The following SLK variants were observed in gnomAD, a reference collection of about 807,000 sequenced individuals.
SLK encodes STE20 like kinase, also known as STE20-like serine/threonine-protein kinase.
Under a neutral mutation model 147.7 loss-of-function variants are expected in SLK, and 67 were observed. The ratio of observed to expected loss-of-function variants is 0.45; its 90% CI spans 0.37 to 0.56. SLK has a LOEUF of 0.56. Among genes scored for constraint, SLK ranks in the 20% least tolerant of loss-of-function variants. The pLI, the probability that SLK is intolerant of heterozygous loss-of-function variation, is 0.00. For synonymous variants in SLK, 441 were observed against 475.0 expected, an observed-to-expected ratio of 0.93 and a Z score of 0.93; for missense variants, 1,136 against 1,438.8, an observed-to-expected ratio of 0.79 and a Z score of 3.41.
chr10:104,002,029 T>C, intron 8 of SLK, 143 bp from the exon 9 acceptor site: 1 of 703,262 alleles, frequency 1.4e-6, no homozygotes. Context: ...TTTTGTTATA[T>C]TTCTTGTGAG....
chr10:103,979,054 C>T (rs941111363), intron 1 of SLK, among the ~76,000 whole-genome samples: 2 of 152,134 alleles, frequency 1.3e-5, no homozygotes, highest in Admixed American at 6.5e-5. Context: ...CTCACTCTGT[C>T]GCCCAGGCAG....
chr10:103,968,640 G>A (rs1307842351), intron 1 of SLK, among the ~76,000 whole-genome samples: 2 of 152,210 alleles, frequency 1.3e-5, no homozygotes, highest in East Asian at 3.9e-4. Flanking sequence ...TGTCATTGGA[G>A]TATTTTCATC....
rs906011985 is a variant in SLK, at chr10:104,026,018, T to C, written c.*298T>C. 1 of 242,446 alleles carries C rather than the reference T, an allele frequency of 4.1e-6. No homozygotes were observed. Among genetic ancestry groups the C allele is most frequent in the African/African-American group, 2.2e-5 (1 of 44,756 alleles). 15.0% of individuals were successfully genotyped at this position (242,446 alleles called of 1,614,324 possible). On this transcript the variant is annotated 3_prime_UTR_variant, in exon 19 of 19. Transcript: ENST00000369755. ...TGCTACCTGAAAACTGTTGGAGAAA[T>C]AATGTTTAAAGTTATTTAAGAAAAA...
intron 13 of SLK, among the ~76,000 whole-genome samples, chr10:104,013,918 G>C (rs1417903191): frequency 6.6e-6 from 1 of 152,168 alleles, no homozygotes; most frequent in East Asian, 1.9e-4. Context: ...ATATAGGGAT[G>C]GAGTCATATA....
rs1273932648 is a variant in SLK at position 104,025,819 on chromosome 10, C to T, written c.*99C>T. On this transcript the variant is annotated 3_prime_UTR_variant, in exon 19 of 19. Transcript: ENST00000369755. ...CTCAGATAGCTCATGAAGACAATCA[C>T]CTGCCTCACCTTCTAGGTGTTTTCC... The T allele has an allele frequency of 5.1e-6, 5 of 985,924 alleles. No individual in the cohort carries two copies. Among genetic ancestry groups the T allele is most frequent in the African/African-American group, 3.3e-5 (2 of 60,822 alleles). 61.1% of individuals were successfully genotyped at this position (985,924 alleles called of 1,614,324 possible).
In SLK at chr10:103,999,900, C is replaced by T; in HGVS notation, c.816C>T (p.Cys272=). The T allele has an allele frequency of 6.4e-7, 1 of 1,559,160 alleles. No individual in the cohort carries two copies. Among genetic ancestry groups the T allele is most frequent in the Non-Finnish European group, 8.8e-7 (1 of 1,137,202 alleles). Residue 272 remains cysteine (C), a synonymous_variant, in exon 7 of 19, where the codon TGC becomes TGT. Coordinates refer to ENST00000369755, the MANE Select transcript of SLK (RefSeq NM_014720.4). Reference sequence around the variant, plus strand: ...ATTTTAAGGACTTTCTAAAGAAATGCTTAGAAAAGAATGTGGATGCCAGGT... The same window carrying T: ...ATTTTAAGGACTTTCTAAAGAAATGTTTAGAAAAGAATGTGGATGCCAGGT... The part of the protein sequence containing the change: ...SSNFKDFLKK[C]LEKNVDARWT...
intron 17 of SLK, among the ~76,000 whole-genome samples, chr10:104,021,250 A>T (rs1054723701): frequency 6.6e-6 from 1 of 152,216 alleles, no homozygotes; most frequent in Non-Finnish European, 1.5e-5. Context: ...CTTTTACAGG[A>T]ATAGATCTAT....
In SLK at chr10:104,002,205, C is replaced by T. The variant is rs766599427; in HGVS notation, c.1027C>T (p.Leu343Phe). The T allele has an allele frequency of 3.1e-6, 5 of 1,598,712 alleles. No individual in the cohort carries two copies. The highest frequency in any genetic ancestry group is 1.4e-5 in the African/African-American group (1 of 74,064). Reference protein sequence around the residue: ...IPASKRASSDLSIASSEEDKL... With the variant: ...IPASKRASSDFSIASSEEDKL... ...TGCAAGTAAGCGTGCATCTTCTGAC[C>T]TTAGTATCGCCAGCTCTGAAGAAGA... Residue 343 changes from leucine to phenylalanine, a missense_variant, in exon 9 of 19, where the codon CTT (leucine) becomes TTT (phenylalanine). By Grantham distance (22) the Leu-to-Phe change is conservative. This residue lies in a region of SLK where 516 missense variants were observed against 531.3 expected (regional missense o/e 0.97). Coordinates refer to ENST00000369755, the MANE Select transcript of SLK (RefSeq NM_014720.4).
chr10:103,992,141 G>GTTTTTTTTTTTTTTTTT lies in SLK; in HGVS notation c.316-455_316-439dup, dbSNP rs56381345. On this transcript the variant is annotated intron_variant, in intron 2 of 18. Coordinates refer to ENST00000369755, the MANE Select transcript of SLK (RefSeq NM_014720.4). ...TGAAGCTTTTGTGGGTATTTCTTCT[G>GTTTTTTTTTTTTTTTTT]TTTTTTTTTTTTTTTTTTCTAAAAG... 6.9e-4 allele frequency among the ~76,000 whole-genome samples: 63 copies of GTTTTTTTTTTTTTTTTT among 91,782 alleles called. 5 individuals carry two copies. The highest frequency in any genetic ancestry group is 1.2e-3 in the South Asian group (3 of 2,542). The allele number at this position is 91,782 out of a possible 152,430, so 60.2% of individuals were successfully genotyped here.
At position 104,002,929 on chromosome 10, in the gene SLK, T is replaced by TAAA; in HGVS notation, c.1753_1754insAAA (p.Leu584_Ile585insLys). The TAAA allele has an allele frequency of 1.9e-6, 3 of 1,614,082 alleles. No homozygotes were observed. Among genetic ancestry groups the TAAA allele is most frequent in the Non-Finnish European group, 2.5e-6 (3 of 1,179,998 alleles). Reference sequence around the variant, plus strand: ...GAAGTGGTCGAAGTAGGCCAGAAATTAATTAATAAGCCCATGGTGGGTCCT... The same window carrying TAAA: ...GAAGTGGTCGAAGTAGGCCAGAAATTAAAAATTAATAAGCCCATGGTGGGTCCT... On this transcript the variant is annotated inframe_insertion, in exon 9 of 19. Coordinates refer to ENST00000369755, the MANE Select transcript of SLK (RefSeq NM_014720.4).
intron 13 of SLK, among the ~76,000 whole-genome samples, chr10:104,017,235 T>C (rs903297346): frequency 6.6e-6 from 1 of 152,230 alleles, no homozygotes; most frequent in Non-Finnish European, 1.5e-5. Flanking sequence ...ATTATACAAA[T>C]TTTCTTGATA....
At chr10:104,021,503 G>C in intron 17 of SLK, 117 bp from the exon 18 acceptor site, 1 of 590,758 alleles carries the variant, frequency 1.7e-6, no homozygotes, top group Non-Finnish European at 3.0e-6. Context: ...AGGAAAACTT[G>C]AATCTCAGTA....
intron 1 of SLK, among the ~76,000 whole-genome samples, chr10:103,968,921 G>C (rs73328227): frequency 0.029 from 4,443 of 151,990 alleles, 154 homozygotes; most frequent in African/African-American, 0.087. Context: ...ATTTAGTATT[G>C]TTTTTTATTT....
At position 104,002,509 on chromosome 10, in the gene SLK, T is replaced by C; in HGVS notation, c.1331T>C (p.Ile444Thr). 6.2e-7 allele frequency: 1 copy of C among 1,612,616 alleles called. No homozygotes were observed. The highest frequency in any genetic ancestry group is 1.1e-5 in the South Asian group (1 of 90,990). Residue 444 changes from isoleucine to threonine, a missense_variant, in exon 9 of 19, where the codon ATT becomes ACT. By Grantham distance (89) the Ile-to-Thr change is moderately conservative. Coordinates refer to ENST00000369755, the MANE Select transcript of SLK (RefSeq NM_014720.4). ...PDTEDQETVD[I>T]NSVSEGKENN... ...ACAGAAGACCAAGAAACTGTGGACA[T>C]TAATTCAGTCAGTGAAGGAAAAGAG...
chr10:103,985,757 G>A (rs1844004440), intron 1 of SLK, among the ~76,000 whole-genome samples: 1 of 152,094 alleles, frequency 6.6e-6, no homozygotes, highest in South Asian at 2.1e-4. Flanking sequence ...GTTAGAAAAT[G>A]TAAAAATATA....
At chr10:104,021,271 C>T (rs761085081) in intron 17 of SLK, among the ~76,000 whole-genome samples, 1 of 152,192 alleles carries the variant, frequency 6.6e-6, no homozygotes, top group Non-Finnish European at 1.5e-5. Flanking sequence ...TAGGCCAACC[C>T]TTTAGTACCA....
At chr10:103,996,446 C>T (rs1465342436) in intron 4 of SLK, among the ~76,000 whole-genome samples, 14 of 148,588 alleles carry the variant, frequency 9.4e-5, no homozygotes, top group Admixed American at 4.7e-4. Flanking sequence ...TCACCCAGGC[C>T]GGACTGCAGT....
intron 4 of SLK, among the ~76,000 whole-genome samples, chr10:103,997,101 C>A (rs1352606162): frequency 6.6e-6 from 1 of 152,142 alleles, no homozygotes; most frequent in East Asian, 1.9e-4. Context: ...CTCCCAGCTT[C>A]TGGCAACCAC....
chr10:104,001,224 G>A (rs528909609), intron 7 of SLK, among the ~76,000 whole-genome samples: 115 of 152,238 alleles, frequency 7.6e-4, no homozygotes, highest in African/African-American at 2.7e-3. Flanking sequence ...ATTTGCTTCA[G>A]ATTCTTAAAA....
Sources: allele counts gnomAD v4.1 joint callset (sites outside exome capture counted in the v4.1 genomes callset), GRCh38; gene constraint gnomAD v4.1.1; regional missense constraint gnomAD v4.1.1; transcripts MANE v1.5; gene names NCBI Gene and HGNC (gene_info 2026-07-23, HGNC 2026-07-21).